RAB3GAP1: variants seen among roughly 807,000 people sequenced by gnomAD.
The protein encoded by RAB3GAP1 is rab3 GTPase-activating protein catalytic subunit.
RAB3GAP1 carries 86 observed loss-of-function variants against 130.7 expected under a neutral mutation model. That is an observed-to-expected ratio of 0.66 (90% CI 0.55 to 0.79). The LOEUF (loss-of-function observed/expected upper bound fraction) is 0.79, where lower values mean the gene tolerates loss of function less well. Among genes scored for constraint, RAB3GAP1 ranks in the 30% least tolerant of loss-of-function variants. The pLI is 0.00. For missense variants in RAB3GAP1, 1,029 were observed against 1,169.4 expected, an observed-to-expected ratio of 0.88 and a Z score of 1.75; for synonymous variants, 367 against 401.7, an observed-to-expected ratio of 0.91 and a Z score of 1.03.
At chr2:135,139,118 A>T (rs1195617600) in intron 17 of RAB3GAP1, among the ~76,000 whole-genome samples, 1 of 152,170 alleles carries the variant, frequency 6.6e-6, no homozygotes, top group Non-Finnish European at 1.5e-5. Flanking sequence ...TTATTGATTC[A>T]TATGAATTCT....
chr2:135,117,609 T>TCTTCTG (rs1558784481), intron 7 of RAB3GAP1, among the ~76,000 whole-genome samples: 9 of 145,384 alleles, frequency 6.2e-5, no homozygotes, highest in African/African-American at 2.2e-4. Flanking sequence ...TTCTTCTGCT[T>TCTTCTG]CTTCTGCTTC....
chr2:135,139,199 T>C (rs540564643), intron 17 of RAB3GAP1, among the ~76,000 whole-genome samples: 3 of 152,328 alleles, frequency 2.0e-5, no homozygotes, highest in East Asian at 3.9e-4. Context: ...TAAAAACATA[T>C]GTTCATGTAT....
chr2:135,122,702 A>G (rs983110902), intron 8 of RAB3GAP1, among the ~76,000 whole-genome samples: 25 of 151,978 alleles, frequency 1.6e-4, no homozygotes, highest in African/African-American at 6.0e-4. Flanking sequence ...CTGTGAGACA[A>G]TTATTATTAT....
chr2:135,133,390 G>T (rs1416887099), intron 14 of RAB3GAP1, among the ~76,000 whole-genome samples: 3 of 152,080 alleles, frequency 2.0e-5, no homozygotes, highest in Non-Finnish European at 4.4e-5. Flanking sequence ...GAAAAATTAA[G>T]AAGTTGAAGA....
chr2:135,172,227 C>T (rs888614158), downstream of RAB3GAP1, among the ~76,000 whole-genome samples: 4 of 151,454 alleles, frequency 2.6e-5, no homozygotes, highest in Non-Finnish European at 5.9e-5. Context: ...GTCAGGAGTT[C>T]GAGACCAGCC....
intron 17 of RAB3GAP1, among the ~76,000 whole-genome samples, chr2:135,146,623 A>G (rs1692001951): frequency 6.6e-6 from 1 of 152,194 alleles, no homozygotes; most frequent in African/African-American, 2.4e-5. Context: ...CTGCATCACC[A>G]TTTATTAACA....
chr2:135,057,818 A>G (rs903864347), intron 2 of RAB3GAP1, among the ~76,000 whole-genome samples, 193 bp from the exon 3 acceptor site: 4 of 152,208 alleles, frequency 2.6e-5, no homozygotes, highest in Non-Finnish European at 4.4e-5. Flanking sequence ...ATGAATCAAA[A>G]CCTAAGAATT....
chr2:135,085,112 C>G (rs1407541232), intron 3 of RAB3GAP1, among the ~76,000 whole-genome samples: 2 of 152,140 alleles, frequency 1.3e-5, no homozygotes, highest in Non-Finnish European at 2.9e-5. Flanking sequence ...AGGGGTAAAA[C>G]TGGAAAGGAA....
intron 3 of RAB3GAP1, among the ~76,000 whole-genome samples, chr2:135,071,443 C>T (rs1049830961): frequency 6.6e-6 from 1 of 151,768 alleles, no homozygotes; most frequent in Non-Finnish European, 1.5e-5. Flanking sequence ...CTTTTAGGCT[C>T]CTATCTTTGA....
rs1689243206 is a variant in RAB3GAP1 at position 135,063,764 on chromosome 2, A to G, written c.150+5678A>G. ...TCGCTTCTACCTTTTAGCTATTATA[A>G]ATAATGCTGCTATGAACGTGAATGT... is the stretch of plus-strand genomic sequence containing the variant. On this transcript the variant is annotated intron_variant, in intron 3 of 23. Coordinates refer to ENST00000264158, the MANE Select transcript of RAB3GAP1 (RefSeq NM_012233.3). 1.3e-5 allele frequency among the ~76,000 whole-genome samples: 2 copies of G among 152,160 alleles called. 1 individual carries two copies. The highest frequency in any genetic ancestry group is 4.1e-4 in the South Asian group (2 of 4,836).
chr2:135,159,044 A>AT (rs1692394374), intron 19 of RAB3GAP1, among the ~76,000 whole-genome samples: 1 of 152,268 alleles, frequency 6.6e-6, no homozygotes, highest in African/African-American at 2.4e-5. Context: ...GACTGGAACA[A>AT]TTTGAACACC....
chr2:135,085,264 T>A (rs1689939892), intron 3 of RAB3GAP1, among the ~76,000 whole-genome samples: 1 of 152,244 alleles, frequency 6.6e-6, no homozygotes, highest in African/African-American at 2.4e-5. Flanking sequence ...GTTTTTAAAA[T>A]TTTTATACAA....
At position 135,168,663 on chromosome 2, in the gene RAB3GAP1, C is replaced by A. The variant is rs1220382993; in HGVS notation, c.2828C>A (p.Thr943Asn). 2 of 1,614,106 alleles carry A rather than the reference C, an allele frequency of 1.2e-6. No homozygotes were observed. The highest frequency in any genetic ancestry group is 1.7e-6 in the Non-Finnish European group (2 of 1,180,044). The change falls in exon 24 of 24, where the codon ACC becomes AAC. Residue 943 changes from threonine (T) to asparagine (N), a missense_variant. By Grantham distance (65) the Thr-to-Asn change is moderately conservative. Around this residue, in one of 3 missense-constraint regions of RAB3GAP1, gnomAD observed 146 missense variants for 143.7 expected, o/e 1.02. Coordinates refer to ENST00000264158, the MANE Select transcript of RAB3GAP1 (RefSeq NM_012233.3). ...PPAGREFILR[T>N]TVPRPAPYSK... ...GCTGGCCGGGAATTCATTTTGCGCA[C>A]CACTGTGCCGCGCCCTGCTCCCTAC...
At chr2:135,108,223 A>G (rs573293176) in intron 5 of RAB3GAP1, among the ~76,000 whole-genome samples, 1 of 152,264 alleles carries the variant, frequency 6.6e-6, no homozygotes, top group Non-Finnish European at 1.5e-5. Flanking sequence ...AGTATTTAGT[A>G]TACATATGCA....
intron 3 of RAB3GAP1, among the ~76,000 whole-genome samples, chr2:135,064,067 A>G (rs762889145): frequency 3.3e-5 from 5 of 152,076 alleles, no homozygotes; most frequent in Non-Finnish European, 7.4e-5. Flanking sequence ...GAAGGTAGAT[A>G]TATTCATATT....
intron 5 of RAB3GAP1, among the ~76,000 whole-genome samples, chr2:135,096,635 A>G (rs1690303460): frequency 6.6e-6 from 1 of 152,220 alleles, no homozygotes; most frequent in African/African-American, 2.4e-5. Flanking sequence ...GCATTAATTC[A>G]TTCAACATTA....
chr2:135,102,599 T>G (rs1690478550), intron 5 of RAB3GAP1, among the ~76,000 whole-genome samples: 1 of 152,254 alleles, frequency 6.6e-6, no homozygotes, highest in Admixed American at 6.5e-5. Flanking sequence ...TGGCTCTGCC[T>G]TTGTTGAGCG....
Position 135,106,000 on chromosome 2 carries a change from T to C in RAB3GAP1, c.363-7151T>C, listed in dbSNP as rs1359102451. 3.6e-4 allele frequency among the ~76,000 whole-genome samples: 49 copies of C among 136,584 alleles called. 1 individual carries two copies. Among genetic ancestry groups the C allele is most frequent in the South Asian group, 2.8e-3 (11 of 3,890 alleles). 89.6% of individuals were successfully genotyped at this position (136,584 alleles called of 152,430 possible). On this transcript the variant is annotated intron_variant, in intron 5 of 23. Transcript: ENST00000264158. ...GTGAGGAGCCCCTCCGCCCGGCAGC[T>C]GCCCCGTCTGAGAAGTGAGGAGCCC... is the stretch of plus-strand genomic sequence containing the variant.
intron 22 of RAB3GAP1, 31 bp from the exon 23 acceptor site, chr2:135,164,563 C>A: frequency 6.4e-7 from 1 of 1,550,524 alleles, no homozygotes; most frequent in Non-Finnish European, 8.9e-7. Context: ...GCTCACTTTC[C>A]ACCCTTTCAT....
Sources: gnomAD v4.1 joint callset for allele counts (sites outside exome capture counted in the v4.1 genomes callset) on GRCh38, gnomAD v4.1.1 for gene constraint, gnomAD v4.1.1 regional missense constraint, MANE v1.5 for transcripts, NCBI Gene and HGNC (gene_info 2026-07-23, HGNC 2026-07-21) for gene names.